The following POLR1C variants were observed in gnomAD, a reference collection of about 807,000 sequenced individuals.
The protein encoded by POLR1C is RNA polymerase I and III subunit C, also known as DNA-directed RNA polymerases I and III subunit RPAC1.
POLR1C carries 42 observed loss-of-function variants against 38.3 expected under a neutral mutation model. The ratio of observed to expected loss-of-function variants is 1.10; its 90% CI spans 0.86 to 1.42. POLR1C has a LOEUF of 1.42. Among genes scored for constraint, POLR1C ranks in the 40% most tolerant of loss-of-function variants. POLR1C has a pLI of 0.00. For missense variants in POLR1C, 507 were observed against 450.5 expected (o/e 1.13, Z -1.14); for synonymous variants, 163 against 163.9 (o/e 0.99, Z 0.04).
chr6:43,562,223 T>C (rs763220970), exon 11 of POLR1C: 12 of 1,581,056 alleles, frequency 7.6e-6, no homozygotes, highest in Non-Finnish European at 1.0e-5. Context: ...CTTGAAGCTC[T>C]CCAGAAAGCA....
rs761748232 is a variant in POLR1C at position 43,517,347 on chromosome 6, T to C, written c.111T>C (p.Asp37=). The C allele has an allele frequency of 1.2e-6, 2 of 1,614,126 alleles. No individual in the cohort carries two copies. The highest frequency in any genetic ancestry group is 2.2e-5 in the South Asian group (2 of 91,080). Residue 37 remains aspartate, a synonymous_variant, in exon 2 of 9, where the codon GAT becomes GAC. Transcript: ENST00000642195. The stretch of plus-strand genomic sequence containing the variant: ...TTCCCGGTAACTATTCCGGTTATGA[T>C]GATGCCTGGGACCAGGACCGCTTCG... ...TDFPGNYSGY[D]DAWDQDRFEK... is the part of the protein sequence containing the mutation.
intron 9 of POLR1C, among the ~76,000 whole-genome samples, chr6:43,538,128 C>A: frequency 7.1e-6 from 1 of 139,870 alleles, no homozygotes; most frequent in African/African-American, 2.7e-5. Flanking sequence ...AATTTAGAGC[C>A]TAAGAGACAT....
chr6:43,536,163 C>T (rs1225273992), intron 9 of POLR1C, among the ~76,000 whole-genome samples: 1 of 151,644 alleles, frequency 6.6e-6, no homozygotes, highest in Non-Finnish European at 1.5e-5. Context: ...GCCTGTAATC[C>T]CAGCACTTTG....
Position 43,558,640 on chromosome 6 carries a change from A to G in POLR1C, c.*49-2760A>G, listed in dbSNP as rs1762242736. 1.3e-5 allele frequency: 19 copies of G among 1,433,952 alleles called. No individual in the cohort carries two copies. The Admixed American group carries it at 3.7e-4, about 28-fold the overall frequency. 88.8% of individuals were successfully genotyped at this position (1,433,952 alleles called of 1,614,324 possible). A position where few individuals can be genotyped will look rare whatever the true frequency, so the allele number is the denominator to read the frequency against. On this transcript the variant is annotated intron_variant, in intron 10 of 10. Transcript: ENST00000607635. Reference sequence around the variant, plus strand: ...GTAGGGGATGAAAGTGGACCCACTGAAAGAGTTTTTAAGCTTCAGGAGTTC... The same window carrying G: ...GTAGGGGATGAAAGTGGACCCACTGGAAGAGTTTTTAAGCTTCAGGAGTTC...
At chr6:43,551,314 G>T (rs1303635013) in intron 10 of POLR1C, 2 of 1,612,866 alleles carry the variant, frequency 1.2e-6, no homozygotes, top group Non-Finnish European at 1.7e-6. Flanking sequence ...GAAGACCTGG[G>T]GCAGGAACTC....
chr6:43,521,047 C>G lies in POLR1C; in HGVS notation c.921C>G (p.Ile307Met). Residue 307 changes from isoleucine to methionine, a missense_variant and splice_region_variant, in exon 8 of 9, where the codon ATC becomes ATG. Coordinates refer to ENST00000642195, the MANE Select transcript of POLR1C (RefSeq NM_203290.4). ...TTGCCCGGGTTCGAGATCATTATAT[C>G]TGTGAGTATGAAGTGGTGAGATGAG... ...VRLARVRDHY[I>M]FSVESTGVLP... is the part of the protein sequence containing the mutation. 6.2e-7 allele frequency: 1 copy of G among 1,611,894 alleles called. No homozygotes were observed. Among genetic ancestry groups the G allele is most frequent in the South Asian group, 1.1e-5 (1 of 91,040 alleles).
At chr6:43,524,020 T>C, downstream of POLR1C, 1 of 1,609,566 alleles carries the variant, frequency 6.2e-7, no homozygotes, top group Non-Finnish European at 8.5e-7. Context: ...GGAAAACAAA[T>C]GAGAAAGAAT....
intron 10 of POLR1C, among the ~76,000 whole-genome samples, chr6:43,554,789 G>A (rs1761959405): frequency 6.6e-6 from 1 of 152,082 alleles, no homozygotes; most frequent in African/African-American, 2.4e-5. Context: ...TCATCTTAGT[G>A]CAACACATTT....
intron 10 of POLR1C, among the ~76,000 whole-genome samples, chr6:43,554,178 C>T (rs980663803): frequency 1.3e-5 from 2 of 152,288 alleles, no homozygotes; most frequent in East Asian, 3.9e-4. Context: ...GAGATCTCGG[C>T]TCACTGCAAC....
intron 9 of POLR1C, chr6:43,547,197 A>G (rs1016560947): frequency 1.4e-5 from 5 of 356,930 alleles, no homozygotes; most frequent in African/African-American, 8.5e-5. Flanking sequence ...GACTTGTGCC[A>G]TAATGGAGCC....
Position 43,553,440 on chromosome 6 carries a change from T to C in POLR1C, c.*48+2429T>C, listed in dbSNP as rs370740144. ...CAAAAAAAGAGTCATGGCTTCCCAC[T>C]GCACGAATGAAGGTGAGAAGACGGA... is the stretch of plus-strand genomic sequence containing the variant. On this transcript the variant is annotated intron_variant, in intron 10 of 10. Transcript: ENST00000607635. The C allele has an allele frequency of 1.9e-6, 3 of 1,597,666 alleles. No homozygotes were observed. In the African/African-American group the frequency reaches 4.0e-5, roughly 21 times the overall value.
intron 2 of POLR1C, among the ~76,000 whole-genome samples, chr6:43,517,888 C>G (rs1196044066): frequency 6.6e-6 from 1 of 152,070 alleles, no homozygotes; most frequent in Non-Finnish European, 1.5e-5. Flanking sequence ...AAATAGATTA[C>G]TGAATGTTAC....
intron 9 of POLR1C, among the ~76,000 whole-genome samples, chr6:43,544,665 C>T (rs1215311739): frequency 6.6e-6 from 1 of 152,126 alleles, no homozygotes; most frequent in African/African-American, 2.4e-5. Flanking sequence ...GTGGTTCACA[C>T]TTGTAATGCT....
intron 7 of POLR1C, 24 bp from the exon 8 acceptor site, chr6:43,520,908 A>C: frequency 6.2e-7 from 1 of 1,611,498 alleles, no homozygotes; most frequent in Non-Finnish European, 8.5e-7. Flanking sequence ...AAAGGAATAA[A>C]AAAACATGGT....
intron 9 of POLR1C, among the ~76,000 whole-genome samples, chr6:43,548,988 T>A (rs1795099080): frequency 6.6e-6 from 1 of 152,178 alleles, no homozygotes; most frequent in South Asian, 2.1e-4. Flanking sequence ...CTATTTGTAT[T>A]TTGAAGAGAG....
rs761464577 is a variant in POLR1C at position 43,519,790 on chromosome 6, C to T, written c.334C>T (p.Leu112Phe). 6.2e-7 allele frequency: 1 copy of T among 1,614,154 alleles called. No individual in the cohort carries two copies. The highest frequency in any genetic ancestry group is 8.5e-7 in the Non-Finnish European group (1 of 1,180,016). ...TGAGATTCTTGCTCACCGTCTGGGG[C>T]TCATTCCCATTCATGCTGATCCCCG... is the stretch of plus-strand genomic sequence containing the variant. ...QDEILAHRLG[L>F]IPIHADPRLF... The change falls in exon 4 of 9, where the codon CTC becomes TTC. Residue 112 changes from leucine (L) to phenylalanine (F), a missense_variant. Leu to Phe is a conservative substitution (Grantham distance 22, BLOSUM62 0). Transcript: ENST00000642195.
At chr6:43,531,391 T>C, downstream of POLR1C, 2 of 1,227,074 alleles carry the variant, frequency 1.6e-6, no homozygotes, top group Non-Finnish European at 2.4e-6. Context: ...GCCTTACCTG[T>C]ACACTAGATG....
chr6:43,552,491 T>G, intron 10 of POLR1C, among the ~76,000 whole-genome samples: 1 of 152,150 alleles, frequency 6.6e-6, no homozygotes, highest in South Asian at 2.1e-4. Flanking sequence ...TAGCTGGGAT[T>G]ACAGACATGC....
chr6:43,544,747 T>C (rs1294125258), intron 9 of POLR1C, among the ~76,000 whole-genome samples: 1 of 152,218 alleles, frequency 6.6e-6, no homozygotes, highest in Non-Finnish European at 1.5e-5. Context: ...ACCCCATCTC[T>C]ATTAATAAAA....
Sources: gnomAD v4.1 joint callset for allele counts (sites outside exome capture counted in the v4.1 genomes callset) on GRCh38, gnomAD v4.1.1 for gene constraint, MANE v1.5 for transcripts, NCBI Gene and HGNC (gene_info 2026-07-23, HGNC 2026-07-21) for gene names.